EMCN: variants seen among roughly 807,000 people sequenced by gnomAD.
EMCN encodes the protein endomucin, also known as MUC-14.
A neutral mutation model predicts 38.4 loss-of-function variants in EMCN; 37 were observed. That is an observed-to-expected ratio of 0.96 (90% CI 0.74 to 1.27). EMCN has a LOEUF of 1.27. EMCN is among the 50% of genes most tolerant of loss of function. EMCN has a pLI of 0.00. For synonymous variants in EMCN, 95 were observed against 100.8 expected (o/e 0.94, Z 0.35); for missense variants, 318 against 302.8 (o/e 1.05, Z -0.37).
intron 1 of EMCN, among the ~76,000 whole-genome samples, chr4:100,517,621 C>G (rs1005940992): frequency 6.6e-6 from 1 of 152,018 alleles, no homozygotes; most frequent in Non-Finnish European, 1.5e-5. Flanking sequence ...GTGATTTCAT[C>G]GAACATGCTT....
intron 5 of EMCN, among the ~76,000 whole-genome samples, chr4:100,432,789 TAACTATAATTATCTTTCTTTG>T (rs1227303825): frequency 1.3e-5 from 2 of 152,322 alleles, no homozygotes; most frequent in African/African-American, 4.8e-5. Context: ...CATTTCCACA[TAACTATAATTATCTTTCTTTG>T]ATCTCTCATT....
intron 5 of EMCN, among the ~76,000 whole-genome samples, chr4:100,441,224 T>A (rs371818671): frequency 6.6e-6 from 1 of 152,210 alleles, no homozygotes; most frequent in Non-Finnish European, 1.5e-5. Context: ...ACAATTGTAA[T>A]GTCCTGTTGA....
At chr4:100,455,430 TTCCTGAA>T (rs1727982525) in intron 4 of EMCN, among the ~76,000 whole-genome samples, 2 of 152,196 alleles carry the variant, frequency 1.3e-5, no homozygotes, top group South Asian at 4.1e-4. Flanking sequence ...TATTTTTCTG[TTCCTGAA>T]TGTCTTTACT....
intron 1 of EMCN, among the ~76,000 whole-genome samples, chr4:100,513,460 AG>A (rs945233407): frequency 3.3e-5 from 5 of 152,164 alleles, no homozygotes; most frequent in Non-Finnish European, 7.4e-5. Flanking sequence ...CTTGTAAAAA[AG>A]CCATTTTGTA....
rs182320523 is a variant in EMCN, at chr4:100,507,570, G to A, written c.64+10281C>T. On this transcript the variant is annotated intron_variant, in intron 1 of 11. Coordinates refer to ENST00000296420, the MANE Select transcript of EMCN (RefSeq NM_016242.4). ...AATGGCAAGAAGGAAGAACTCCACT[G>A]GGTACTGGCCTTGTAAGAGTGGCTA... is the stretch of plus-strand genomic sequence containing the variant. 1.3e-4 allele frequency among the ~76,000 whole-genome samples: 20 copies of A among 152,204 alleles called. No individual in the cohort carries two copies. In the East Asian group the frequency reaches 3.9e-3, roughly 29 times the overall value.
chr4:100,410,979 T>A (rs942329787), intron 10 of EMCN, among the ~76,000 whole-genome samples: 2 of 152,220 alleles, frequency 1.3e-5, no homozygotes, highest in Non-Finnish European at 2.9e-5. Context: ...TATTTCGCAT[T>A]ACTTGTGTCC....
chr4:100,436,161 G>A (rs887143893), intron 5 of EMCN, among the ~76,000 whole-genome samples: 1 of 151,556 alleles, frequency 6.6e-6, no homozygotes, highest in African/African-American at 2.4e-5. Flanking sequence ...GACCCTACAA[G>A]GAACTTAAAC....
intron 11 of EMCN, among the ~76,000 whole-genome samples, chr4:100,405,357 T>C (rs1399150024): frequency 1.3e-5 from 2 of 152,104 alleles, no homozygotes; most frequent in Non-Finnish European, 2.9e-5. Flanking sequence ...GGGTTTGTCA[T>C]AGATGGATCT....
intron 4 of EMCN, among the ~76,000 whole-genome samples, chr4:100,456,135 ATCT>A (rs1335409003): frequency 6.6e-6 from 1 of 151,914 alleles, no homozygotes; most frequent in Non-Finnish European, 1.5e-5. Context: ...TCCTTCTCAC[ATCT>A]TCTTCTGAAA....
chr4:100,515,299 T>C (rs1439799658), intron 1 of EMCN, among the ~76,000 whole-genome samples: 2 of 152,040 alleles, frequency 1.3e-5, no homozygotes, highest in Non-Finnish European at 2.9e-5. Flanking sequence ...AACGCCAGGG[T>C]AGGGGTCTGT....
intron 1 of EMCN, among the ~76,000 whole-genome samples, chr4:100,511,278 G>A (rs899128820): frequency 7.2e-5 from 11 of 152,144 alleles, no homozygotes; most frequent in African/African-American, 2.4e-4. Context: ...GGATAAAGCT[G>A]GCCTTGAAAT....
intron 1 of EMCN, among the ~76,000 whole-genome samples, chr4:100,482,758 T>C (rs970267976): frequency 2.6e-5 from 4 of 151,936 alleles, no homozygotes; most frequent in Non-Finnish European, 5.9e-5. Flanking sequence ...GGAAAGACAA[T>C]GGGAAAATGC....
At chr4:100,467,066 G>T (rs1038251526) in intron 3 of EMCN, among the ~76,000 whole-genome samples, 1 of 152,108 alleles carries the variant, frequency 6.6e-6, no homozygotes, top group Non-Finnish European at 1.5e-5. Flanking sequence ...TAATGGAATA[G>T]CTGGGAATGC....
At chr4:100,490,440 G>T (rs1729049525) in intron 1 of EMCN, among the ~76,000 whole-genome samples, 1 of 152,088 alleles carries the variant, frequency 6.6e-6, no homozygotes, top group Non-Finnish European at 1.5e-5. Flanking sequence ...ATAGCATTGT[G>T]CAGTAAATTC....
intron 5 of EMCN, among the ~76,000 whole-genome samples, chr4:100,429,324 A>C: frequency 6.6e-6 from 1 of 152,126 alleles, no homozygotes; most frequent in African/African-American, 2.4e-5. Flanking sequence ...GTGTTTTGGA[A>C]AGGGAACATG....
At chr4:100,462,364 T>C (rs189053394) in intron 4 of EMCN, among the ~76,000 whole-genome samples, 1 of 152,252 alleles carries the variant, frequency 6.6e-6, no homozygotes, top group Admixed American at 6.5e-5. Flanking sequence ...CAGAGAGCAT[T>C]CTACTTCATG....
Position 100,434,750 on chromosome 4 carries a change from C to T in EMCN, c.416-11346G>A, listed in dbSNP as rs550517480. On this transcript the variant is annotated intron_variant, in intron 5 of 11. Coordinates refer to ENST00000296420, the MANE Select transcript of EMCN (RefSeq NM_016242.4). ...GCAAATCAATAAATGTAATTCATCACGTAAACAGAACTAAAGCCAAAAACC... is the reference window on the plus strand; with the variant it reads ...GCAAATCAATAAATGTAATTCATCATGTAAACAGAACTAAAGCCAAAAACC... Among the ~76,000 whole-genome samples, 7 of 152,222 alleles carry T rather than the reference C, an allele frequency of 4.6e-5. No individual in the cohort carries two copies. The South Asian group carries it at 6.2e-4, about 13-fold the overall frequency.
chr4:100,475,658 C>CATTTTTTTTTTTTTTTTTTTTTTTT lies in EMCN; in HGVS notation c.188-550_188-549insAAAAAAAAAAAAAAAAAAAAAAAAT, dbSNP rs1728617733. 1.9e-5 allele frequency among the ~76,000 whole-genome samples: 2 copies of CATTTTTTTTTTTTTTTTTTTTTTTT among 108,092 alleles called. 1 individual carries two copies. 70.9% of individuals were successfully genotyped at this position (108,092 alleles called of 152,430 possible). On this transcript the variant is annotated intron_variant, in intron 2 of 11. Coordinates refer to ENST00000296420, the MANE Select transcript of EMCN (RefSeq NM_016242.4). ...CTTGAGGGCAGTATCCAATTCTAGT[C>CATTTTTTTTTTTTTTTTTTTTTTTT]CTTTTTTTTTTTTTTTTTTTTTTTT... is the stretch of plus-strand genomic sequence containing the variant.
intron 5 of EMCN, among the ~76,000 whole-genome samples, chr4:100,426,357 G>A (rs1372038312): frequency 6.6e-6 from 1 of 152,120 alleles, no homozygotes; most frequent in African/African-American, 2.4e-5. Flanking sequence ...TGGGAGGAAT[G>A]TGGACTGGAG....
Sources: gnomAD v4.1 joint callset for allele counts (sites outside exome capture counted in the v4.1 genomes callset) on GRCh38, gnomAD v4.1.1 for gene constraint, MANE v1.5 for transcripts, NCBI Gene and HGNC (gene_info 2026-07-23, HGNC 2026-07-21) for gene names.